The following ERI2 variants were observed in gnomAD, a reference collection of about 807,000 sequenced individuals.
The protein encoded by ERI2 is ERI1 exoribonuclease 2.
In ERI2, 35 loss-of-function variants were observed where a neutral mutation model predicts 46.8. That is an observed-to-expected ratio of 0.75 (90% CI 0.57 to 0.99). The LOEUF (loss-of-function observed/expected upper bound fraction) is 0.99. Ranked by LOEUF, ERI2 falls within the 50% of genes least tolerant of loss-of-function variation. The probability of loss-of-function intolerance (pLI) is 0.00; values close to 1 mark genes in which losing one functional copy is unlikely to be tolerated. For missense variants in ERI2, 695 were observed against 796.2 expected (o/e 0.87, Z 1.53); for synonymous variants, 224 against 271.0 (o/e 0.83, Z 1.70).
chr16:20,784,861 G>T (rs2080436108), intron 10 of ERI2: 1 of 1,036,182 alleles, frequency 9.7e-7, no homozygotes, highest in Non-Finnish European at 1.4e-6. Flanking sequence ...TTTGTTTTGT[G>T]CTAGGGAGAG....
At chr16:20,799,577 T>C (rs2080773971) in intron 7 of ERI2, 1 of 542,936 alleles carries the variant, frequency 1.8e-6, no homozygotes, top group Non-Finnish European at 3.2e-6. Flanking sequence ...TAGAGGAGGA[T>C]ATGAAAATGT....
intron 4 of ERI2, among the ~76,000 whole-genome samples, chr16:20,801,960 A>G (rs1028599953): frequency 1.7e-4 from 26 of 151,564 alleles, no homozygotes; most frequent in African/African-American, 3.9e-4. Flanking sequence ...GGTTTTGCCA[A>G]GTTGGCCAGG....
At chr16:20,789,424 A>C in intron 10 of ERI2, 1 of 1,289,522 alleles carries the variant, frequency 7.8e-7, no homozygotes, top group Non-Finnish European at 1.1e-6. Context: ...TAGACACTTC[A>C]GGGAATGATG....
At chr16:20,789,827 C>T (rs2080557303) in intron 9 of ERI2, among the ~76,000 whole-genome samples, 1 of 151,770 alleles carries the variant, frequency 6.6e-6, no homozygotes, top group African/African-American at 2.4e-5. Flanking sequence ...GTGCCCACCA[C>T]CATGCCTGGC....
Position 20,796,761 on chromosome 16 carries a change from C to A in ERI2, c.*963G>T. On this transcript the variant is annotated 3_prime_UTR_variant, in exon 9 of 9. Transcript: ENST00000357967. ...CCCTTTTCCCTATTTTGGCTGTTACCCAAAACCCATTCCAAAGACTATTCT... is the reference window on the plus strand; with the variant it reads ...CCCTTTTCCCTATTTTGGCTGTTACACAAAACCCATTCCAAAGACTATTCT... The A allele has an allele frequency of 6.6e-7, 1 of 1,524,922 alleles. No homozygotes were observed. The highest frequency in any genetic ancestry group is 8.8e-7 in the Non-Finnish European group (1 of 1,142,638). The allele number at this position is 1,524,922 out of a possible 1,614,324, so 94.5% of individuals were successfully genotyped here.
chr16:20,785,660 G>T (rs1343430226), intron 10 of ERI2, among the ~76,000 whole-genome samples: 1 of 152,098 alleles, frequency 6.6e-6, no homozygotes, highest in African/African-American at 2.4e-5. Flanking sequence ...GGAGGAGTAA[G>T]ATGAAATAGA....
At position 20,806,419 on chromosome 16, in the gene ERI2, C is replaced by T; in HGVS notation, c.12G>A (p.Lys4=). The T allele has an allele frequency of 6.4e-7, 1 of 1,553,154 alleles. No homozygotes were observed. Among genetic ancestry groups the T allele is most frequent in the Non-Finnish European group, 8.7e-7 (1 of 1,148,110 alleles). Residue 4 remains lysine, a synonymous_variant, in exon 1 of 9, where the codon AAG becomes AAA. Transcript: ENST00000357967. Reference sequence around the variant, plus strand: ...ACTCCCTCGAGTACCGCGCGAGCCGCTTGGTCGCCATTCCCGACACTCCTT... The same window carrying T: ...ACTCCCTCGAGTACCGCGCGAGCCGTTTGGTCGCCATTCCCGACACTCCTT... MAT[K]RLARQLGLIR... is the part of the protein sequence containing the mutation.
At position 20,797,290 on chromosome 16, in the gene ERI2, G is replaced by A; in HGVS notation, c.*434C>T. The A allele has an allele frequency of 9.6e-7, 1 of 1,041,264 alleles. No individual in the cohort carries two copies. Among genetic ancestry groups the A allele is most frequent in the Non-Finnish European group, 1.2e-6 (1 of 868,952 alleles). The allele number at this position is 1,041,264 out of a possible 1,614,324, so 64.5% of individuals were successfully genotyped here. A position where few individuals can be genotyped will look rare whatever the true frequency, so the allele number is the denominator to read the frequency against. On this transcript the variant is annotated 3_prime_UTR_variant, in exon 9 of 9. Transcript: ENST00000357967. ...CTACATAGGTTTTCAAACTTTAGTTGACTAATTCTTCTGATATGTTGATAT... is the reference window on the plus strand; with the variant it reads ...CTACATAGGTTTTCAAACTTTAGTTAACTAATTCTTCTGATATGTTGATAT...
At chr16:20,785,026 A>G in intron 10 of ERI2, 1 of 1,613,714 alleles carries the variant, frequency 6.2e-7, no homozygotes, top group Non-Finnish European at 8.5e-7. Flanking sequence ...GTGCTGGGGA[A>G]CCAATTACCC....
intron 8 of ERI2, 56 bp downstream of exon 8, chr16:20,799,207 G>A (rs188856543): frequency 3.0e-5 from 48 of 1,593,974 alleles, no homozygotes; most frequent in African/African-American, 1.9e-4. Context: ...TTCAAAGAAC[G>A]TATGACTGTT....
At chr16:20,780,666 C>T (rs2080331681) in exon 11 of ERI2, 2 of 1,614,074 alleles carry the variant, frequency 1.2e-6, no homozygotes, top group Non-Finnish European at 1.7e-6. Context: ...TGGTAACAGT[C>T]TGTGATGCTG....
intron 6 of ERI2, 110 bp from the exon 7 acceptor site, chr16:20,800,148 TTG>T: frequency 1.1e-6 from 1 of 882,564 alleles, no homozygotes; most frequent in Admixed American, 2.5e-5. Context: ...TGCTTATTTT[TTG>T]TGTGTTGTTT....
intron 10 of ERI2, chr16:20,789,427 G>T: frequency 2.3e-6 from 3 of 1,307,328 alleles, no homozygotes; most frequent in Non-Finnish European, 3.3e-6. Context: ...ACACTTCAGG[G>T]AATGATGAGG....
rs369252888 is a variant in ERI2, at chr16:20,797,727, A to G, written c.2073T>C (p.Asn691=). 486 of 1,540,664 alleles carry G rather than the reference A, an allele frequency of 3.2e-4. No individual in the cohort carries two copies. The highest frequency in any genetic ancestry group is 3.8e-4 in the Non-Finnish European group (436 of 1,142,918). The change falls in exon 9 of 9, where the codon AAT becomes AAC. Residue 691 remains asparagine (N), a synonymous_variant. Coordinates refer to ENST00000357967, the MANE Select transcript of ERI2 (RefSeq NM_001142725.2). The part of the protein sequence containing the change: ...NSLRLRPSMR[N] ...AGGATTCATACATGAAAGGTTATCA[A>G]TTCCTCATTGAAGGCCTGAGTCTCA...
chr16:20,787,026 C>A (rs1455923060), intron 10 of ERI2, among the ~76,000 whole-genome samples: 1 of 152,228 alleles, frequency 6.6e-6, no homozygotes, highest in Non-Finnish European at 1.5e-5. Context: ...TCCACTGCCA[C>A]TACTACCACC....
chr16:20,785,739 T>C (rs925844592), intron 10 of ERI2, among the ~76,000 whole-genome samples: 4 of 152,132 alleles, frequency 2.6e-5, no homozygotes, highest in South Asian at 2.1e-4. Flanking sequence ...ACCATGAGAA[T>C]GTATCACCTG....
chr16:20,781,808 G>T lies in ERI2; in HGVS notation c.895-1074C>A, dbSNP rs896807425. 3 of 1,541,252 alleles carry T rather than the reference G, an allele frequency of 1.9e-6. No individual in the cohort carries two copies. In the South Asian group the frequency reaches 3.4e-5, roughly 17 times the overall value. On this transcript the variant is annotated intron_variant, in intron 10 of 10. Transcript: ENST00000300005. ...ACCAGGTAAGAAATGTTAGTAAATA[G>T]GCATCTAGTGGGGAGAGGGGAGAAG...
In ERI2 at chr16:20,798,322, C is replaced by T. The variant is rs539837768; in HGVS notation, c.1478G>A (p.Gly493Asp). ...TAACTTAAAGGCAGAAATATCTGAA[C>T]CTGGATCTTTGGCTTCTTTTACATT... ...IYNVKEAKDPGSDISAFKLPE... is the reference protein window; with the variant it reads ...IYNVKEAKDPDSDISAFKLPE... Residue 493 changes from glycine (G) to aspartate (D), a missense_variant, in exon 9 of 9, where the codon GGT becomes GAT. Physicochemically the swap from Gly to Asp is moderately conservative, Grantham distance 94. Coordinates refer to ENST00000357967, the MANE Select transcript of ERI2 (RefSeq NM_001142725.2). 1 of 1,551,488 alleles carries T rather than the reference C, an allele frequency of 6.4e-7. No individual in the cohort carries two copies. The highest frequency in any genetic ancestry group is 2.4e-5 in the East Asian group (1 of 40,908).
At chr16:20,786,272 C>T in intron 10 of ERI2, 4 of 1,451,808 alleles carry the variant, frequency 2.8e-6, no homozygotes, top group Non-Finnish European at 3.6e-6. Flanking sequence ...ATTTTACTTC[C>T]ATGATACTTT....
Sources: gnomAD v4.1 joint callset for allele counts (sites outside exome capture counted in the v4.1 genomes callset) on GRCh38, gnomAD v4.1.1 for gene constraint, MANE v1.5 for transcripts, NCBI Gene and HGNC (gene_info 2026-07-23, HGNC 2026-07-21) for gene names.